SORCS1: variants seen among roughly 807,000 people sequenced by gnomAD.
The protein encoded by SORCS1 is VPS10 domain-containing receptor SorCS1.
A neutral mutation model predicts 146.1 loss-of-function variants in SORCS1; 60 were observed. The observed-to-expected ratio is 0.41, with a 90% CI of 0.33 to 0.51. The LOEUF (loss-of-function observed/expected upper bound fraction) is 0.51. SORCS1 is among the 20% of genes least tolerant of loss of function. The probability of loss-of-function intolerance (pLI) is 0.21; values close to 1 mark genes in which losing one functional copy is unlikely to be tolerated. For synonymous variants in SORCS1, 637 were observed against 584.0 expected, an observed-to-expected ratio of 1.09 and a Z score of -1.31; for missense variants, 1,352 against 1,487.6, an observed-to-expected ratio of 0.91 and a Z score of 1.50.
intron 18 of SORCS1, among the ~76,000 whole-genome samples, chr10:106,636,695 T>G (rs925019632): frequency 1.3e-5 from 2 of 152,184 alleles, no homozygotes; most frequent in African/African-American, 4.8e-5. Context: ...CTGGGGATTA[T>G]AGGGATTACA....
chr10:107,097,474 G>A (rs1964619205), intron 1 of SORCS1, among the ~76,000 whole-genome samples: 1 of 152,106 alleles, frequency 6.6e-6, no homozygotes. Flanking sequence ...TAACAACTGG[G>A]CCTGCAAGGT....
rs532962722 is a variant in SORCS1, at chr10:106,835,887, C to T, written c.627-6214G>A. Among the ~76,000 whole-genome samples, 32 of 152,192 alleles carry T rather than the reference C, an allele frequency of 2.1e-4. No individual in the cohort carries two copies. In the East Asian group the frequency reaches 5.8e-3, roughly 28 times the overall value. ...GGATGTGGTGGCTCATGCCTGTAAT[C>T]CCAGCTACTCAGGAGGCTGAGGCAG... On this transcript the variant is annotated intron_variant, in intron 2 of 25. Coordinates refer to ENST00000263054, the MANE Select transcript of SORCS1 (RefSeq NM_052918.5).
Position 106,652,517 on chromosome 10 carries a change from G to A in SORCS1, c.2340C>T (p.Gly780=), listed in dbSNP as rs968494314. Residue 780 remains glycine, a synonymous_variant, in exon 18 of 26, where the codon GGC becomes GGT. Transcript: ENST00000263054. ...RKVVSNNCTD[G]VREQYTAKPQ... ...GTTTGGCAGTGTACTGTTCCCTTAC[G>A]CCATCAGTGCAATTATTGGAAACCA... The A allele has an allele frequency of 4.3e-6, 7 of 1,613,786 alleles. No individual in the cohort carries two copies. Among genetic ancestry groups the A allele is most frequent in the Middle Eastern group, 1.6e-4 (1 of 6,070 alleles).
chr10:106,844,049 G>C (rs1428177279), intron 2 of SORCS1, among the ~76,000 whole-genome samples: 3 of 152,100 alleles, frequency 2.0e-5, no homozygotes, highest in African/African-American at 7.2e-5. Context: ...CACATCACTT[G>C]TTATCTTTTG....
intron 2 of SORCS1, among the ~76,000 whole-genome samples, chr10:106,896,974 T>C (rs1951507851): frequency 7.3e-6 from 1 of 137,540 alleles, no homozygotes; most frequent in South Asian, 2.5e-4. Context: ...CACTGCAAGC[T>C]CCACCTCCCG....
intron 1 of SORCS1, among the ~76,000 whole-genome samples, chr10:107,106,123 G>C (rs1965284543): frequency 6.6e-6 from 1 of 152,184 alleles, no homozygotes; most frequent in African/African-American, 2.4e-5. Context: ...GAGAAGTTTG[G>C]ATGAGGATCT....
At chr10:106,980,437 A>G (rs1473584778) in intron 1 of SORCS1, among the ~76,000 whole-genome samples, 1 of 152,190 alleles carries the variant, frequency 6.6e-6, no homozygotes, top group Non-Finnish European at 1.5e-5. Context: ...TGGCAAAAAT[A>G]CCCTGGAGCA....
At chr10:107,146,652 C>A (rs929685211) in intron 1 of SORCS1, among the ~76,000 whole-genome samples, 18 of 152,094 alleles carry the variant, frequency 1.2e-4, no homozygotes, top group Non-Finnish European at 1.6e-4. Context: ...GTCATAGCGT[C>A]CTAAACGCAG....
At chr10:106,660,745 G>A (rs1192765621) in intron 17 of SORCS1, among the ~76,000 whole-genome samples, 14 of 145,166 alleles carry the variant, frequency 9.6e-5, no homozygotes, top group South Asian at 2.2e-4. Context: ...GTGAGACTCC[G>A]TCTCAAAAAA....
intron 2 of SORCS1, among the ~76,000 whole-genome samples, chr10:106,879,259 C>G (rs533893744): frequency 2.6e-5 from 4 of 152,284 alleles, no homozygotes; most frequent in African/African-American, 9.6e-5. Flanking sequence ...CTTGCCAACC[C>G]TACTCACTTG....
chr10:106,608,484 T>C (rs983739661), intron 22 of SORCS1, among the ~76,000 whole-genome samples: 2 of 152,220 alleles, frequency 1.3e-5, no homozygotes, highest in African/African-American at 4.8e-5. Context: ...TTCCAGGTAT[T>C]AGGTCCTCAC....
intron 5 of SORCS1, among the ~76,000 whole-genome samples, chr10:106,732,947 C>T (rs978392155): frequency 5.3e-5 from 8 of 151,642 alleles, no homozygotes; most frequent in Non-Finnish European, 8.8e-5. Flanking sequence ...GGTGAAACCC[C>T]GTATCTACTA....
intron 1 of SORCS1, among the ~76,000 whole-genome samples, chr10:107,062,089 A>C (rs2134120906): frequency 6.6e-6 from 1 of 152,254 alleles, no homozygotes; most frequent in South Asian, 2.1e-4. Context: ...ACACATAAAG[A>C]AATTCACTGA....
intron 5 of SORCS1, among the ~76,000 whole-genome samples, chr10:106,738,575 G>C (rs765759308): frequency 1.3e-5 from 2 of 152,212 alleles, no homozygotes; most frequent in Non-Finnish European, 2.9e-5. Context: ...GAGATCCTGC[G>C]TGGGGCCAGA....
chr10:106,899,959 TAC>T (rs896179122), intron 2 of SORCS1, among the ~76,000 whole-genome samples: 4 of 151,948 alleles, frequency 2.6e-5, no homozygotes, highest in Non-Finnish European at 4.4e-5. Context: ...TGTATGTACA[TAC>T]ACACACACAT....
chr10:107,040,306 T>C (rs142373435), intron 1 of SORCS1, among the ~76,000 whole-genome samples: 4 of 152,298 alleles, frequency 2.6e-5, no homozygotes, highest in Admixed American at 1.3e-4. Flanking sequence ...TATGCTCAGA[T>C]CAGTAGGAAC....
chr10:106,770,821 A>C (rs928660235), intron 4 of SORCS1, among the ~76,000 whole-genome samples: 5 of 152,158 alleles, frequency 3.3e-5, no homozygotes, highest in African/African-American at 1.2e-4. Context: ...CTGCTCTCCA[A>C]CTTCCCACAG....
Position 106,772,444 on chromosome 10 carries a change from T to TAATC in SORCS1, c.885+4086_885+4089dup, listed in dbSNP as rs531205148. 6.3e-3 allele frequency among the ~76,000 whole-genome samples: 950 copies of TAATC among 151,710 alleles called. 4 individuals carry two copies. The highest frequency in any genetic ancestry group is 8.8e-3 in the East Asian group (45 of 5,136). Reference sequence around the variant, plus strand: ...CCACAATTACATGAGTAAATTCCCATAATCAATCAATCAATCAATCAATCA... The same window carrying TAATC: ...CCACAATTACATGAGTAAATTCCCATAATCAATCAATCAATCAATCAATCAATCA... On this transcript the variant is annotated intron_variant, in intron 4 of 25. Transcript: ENST00000263054.
chr10:106,876,837 C>T (rs1432934030), intron 2 of SORCS1, among the ~76,000 whole-genome samples: 2 of 152,156 alleles, frequency 1.3e-5, no homozygotes, highest in Non-Finnish European at 2.9e-5. Flanking sequence ...TATAACTTCT[C>T]GTGTCTCTTG....
Sources: allele counts gnomAD v4.1 joint callset (sites outside exome capture counted in the v4.1 genomes callset), GRCh38; gene constraint gnomAD v4.1.1; transcripts MANE v1.5; gene names NCBI Gene and HGNC (gene_info 2026-07-23, HGNC 2026-07-21).